The following KIF27 variants were observed in gnomAD, a reference collection of about 807,000 sequenced individuals.
KIF27 encodes the protein kinesin family member 27.
In KIF27, 84 loss-of-function variants were observed where a neutral mutation model predicts 141.8. The ratio of observed to expected loss-of-function variants is 0.59; its 90% confidence interval spans 0.50 to 0.71. KIF27 has a LOEUF of 0.71. KIF27 is among the 30% of genes least tolerant of loss of function. The pLI is 0.00. For missense variants in KIF27, 1,306 were observed against 1,628.4 expected (o/e 0.80, Z 3.41); for synonymous variants, 471 against 569.5 (o/e 0.83, Z 2.46).
intron 2 of KIF27, among the ~76,000 whole-genome samples, chr9:83,912,582 T>C (rs937590645): frequency 1.3e-5 from 2 of 152,212 alleles, no homozygotes; most frequent in Admixed American, 1.3e-4. Flanking sequence ...AAGCACAATT[T>C]AAAAGACGTA....
chr9:83,863,388 G>A (rs1312088176), intron 13 of KIF27, among the ~76,000 whole-genome samples: 1 of 152,202 alleles, frequency 6.6e-6, no homozygotes, highest in African/African-American at 2.4e-5. Context: ...ACCATGAAGG[G>A]CTGTTGAATT....
rs573136318 is a variant in KIF27 at position 83,856,906 on chromosome 9, C to CA, written c.3150+2249dup. 1.6e-3 allele frequency among the ~76,000 whole-genome samples: 124 copies of CA among 76,088 alleles called. No individual in the cohort carries two copies. The East Asian group carries it at 0.016, about 10-fold the overall frequency. The allele number at this position is 76,088 out of a possible 152,430, so 49.9% of individuals were successfully genotyped here. A position where few individuals can be genotyped will look rare whatever the true frequency, so the allele number is the denominator to read the frequency against. ...TGAGTGACAGAGTGAGACTCCATCT[C>CA]AAAAAAAAAAAAAAAAAGTATGTTC... On this transcript the variant is annotated intron_variant, in intron 14 of 17. Coordinates refer to ENST00000297814, the MANE Select transcript of KIF27 (RefSeq NM_017576.4).
intron 15 of KIF27, among the ~76,000 whole-genome samples, chr9:83,852,816 A>G (rs989057975): frequency 7.2e-5 from 11 of 152,178 alleles, no homozygotes; most frequent in Admixed American, 2.0e-4. Context: ...TTTTGTAGAG[A>G]AAGGATCTCA....
At chr9:83,841,100 C>T (rs1168230060) in intron 17 of KIF27, among the ~76,000 whole-genome samples, 5 of 150,760 alleles carry the variant, frequency 3.3e-5, no homozygotes, top group East Asian at 1.9e-4. Context: ...GACAGAGTTT[C>T]GCTCTTGTTG....
chr9:83,872,233 T>C (rs1010923095), intron 11 of KIF27, among the ~76,000 whole-genome samples: 14 of 152,080 alleles, frequency 9.2e-5, no homozygotes, highest in Non-Finnish European at 1.3e-4. Flanking sequence ...CGAGAATCGC[T>C]TGAACTTGAG....
chr9:83,904,096 C>T (rs1489432910), intron 3 of KIF27, 78 bp from the exon 4 acceptor site: 1 of 1,106,164 alleles, frequency 9.0e-7, no homozygotes, highest in African/African-American at 1.6e-5. Context: ...ATTTGCTAAA[C>T]AGCCTGGCCA....
intron 6 of KIF27, among the ~76,000 whole-genome samples, chr9:83,889,850 G>A (rs1952498419): frequency 6.6e-6 from 1 of 152,146 alleles, no homozygotes; most frequent in African/African-American, 2.4e-5. Flanking sequence ...AAATCGTATG[G>A]CTAGCCTGGG....
At chr9:83,866,695 G>T (rs1422153978) in intron 13 of KIF27, among the ~76,000 whole-genome samples, 1 of 151,958 alleles carries the variant, frequency 6.6e-6, no homozygotes, top group African/African-American at 2.4e-5. Context: ...GACCAATATG[G>T]TGAAACCCAG....
chr9:83,848,334 T>TATGATATATATGATATATC (rs1411888652), intron 16 of KIF27, among the ~76,000 whole-genome samples: 5 of 95,136 alleles, frequency 5.3e-5, no homozygotes, highest in African/African-American at 1.7e-4. Context: ...TATATATCTA[T>TATGATATATATGATATATC]ATATATCTAT....
intron 15 of KIF27, among the ~76,000 whole-genome samples, chr9:83,851,473 T>G (rs1293095741): frequency 2.6e-5 from 4 of 152,110 alleles, no homozygotes; most frequent in Non-Finnish European, 5.9e-5. Flanking sequence ...CACCTCAGCC[T>G]CCCACATAGC....
intron 13 of KIF27, among the ~76,000 whole-genome samples, chr9:83,862,401 C>T (rs1172992280): frequency 6.6e-6 from 1 of 152,214 alleles, no homozygotes; most frequent in Admixed American, 6.5e-5. Flanking sequence ...TATGGCTAGC[C>T]AGTTTTCCCA....
intron 4 of KIF27, among the ~76,000 whole-genome samples, chr9:83,901,956 G>GAATA (rs968658088): frequency 6.6e-6 from 1 of 152,054 alleles, no homozygotes; most frequent in African/African-American, 2.4e-5. Context: ...AGTTTTGAAT[G>GAATA]AATAAATAGC....
At chr9:83,871,354 G>T (rs1315121400) in intron 11 of KIF27, among the ~76,000 whole-genome samples, 1 of 152,148 alleles carries the variant, frequency 6.6e-6, no homozygotes, top group Admixed American at 6.5e-5. Context: ...AGCTCTTACT[G>T]AGGCAATACA....
At chr9:83,843,772 G>C (rs1377059100) in intron 16 of KIF27, among the ~76,000 whole-genome samples, 1 of 152,154 alleles carries the variant, frequency 6.6e-6, no homozygotes, top group East Asian at 1.9e-4. Context: ...CCAGGGTAGA[G>C]TGTGTAGTGG....
At chr9:83,848,169 CTGATATATCATATA>C (rs1341712968) in intron 16 of KIF27, among the ~76,000 whole-genome samples, 1 of 60,600 alleles carries the variant, frequency 1.7e-5, no homozygotes, top group Non-Finnish European at 3.2e-5. Context: ...TATGATATAT[CTGATATATCATATA>C]TGATATATAT....
intron 8 of KIF27, among the ~76,000 whole-genome samples, chr9:83,887,765 A>G (rs1469349707): frequency 2.0e-5 from 3 of 151,978 alleles, no homozygotes; most frequent in Non-Finnish European, 2.9e-5. Context: ...GTTGCAGAGC[A>G]GTAACAAACA....
chr9:83,867,991 G>T, intron 12 of KIF27, 131 bp from the exon 13 acceptor site: 1 of 999,336 alleles, frequency 1.0e-6, no homozygotes, highest in Non-Finnish European at 1.4e-6. Context: ...GAGTAACTCA[G>T]GTAGCCGTCT....
chr9:83,884,840 C>T (rs1303523628), intron 9 of KIF27, among the ~76,000 whole-genome samples: 3 of 152,174 alleles, frequency 2.0e-5, no homozygotes, highest in Non-Finnish European at 4.4e-5. Context: ...AGCTAACTCT[C>T]TCCTTTTTCA....
intron 14 of KIF27, among the ~76,000 whole-genome samples, chr9:83,857,683 C>A (rs2780154): frequency 2.5e-4 from 38 of 152,200 alleles, no homozygotes; most frequent in Non-Finnish European, 5.3e-4. Context: ...TCTGTGCCTT[C>A]TTCAAAGATG....
Sources: gnomAD v4.1 joint callset for allele counts (sites outside exome capture counted in the v4.1 genomes callset) on GRCh38, gnomAD v4.1.1 for gene constraint, MANE v1.5 for transcripts, NCBI Gene and HGNC (gene_info 2026-07-23, HGNC 2026-07-21) for gene names.